Variants in RSRC1 observed in about 807,000 individuals in gnomAD.
RSRC1 encodes arginine and serine rich coiled-coil 1, also known as serine/Arginine-related protein 53.
RSRC1 carries 39 observed loss-of-function variants against 49.1 expected under a neutral mutation model. That is an observed-to-expected ratio of 0.79 (90% CI 0.61 to 1.04). RSRC1 has a LOEUF of 1.04. Ranked by LOEUF, RSRC1 falls within the 50% of genes least tolerant of loss-of-function variation. The pLI is 0.00. For synonymous variants in RSRC1, 143 were observed against 130.8 expected, an observed-to-expected ratio of 1.09 and a Z score of -0.63; for missense variants, 388 against 402.4, an observed-to-expected ratio of 0.96 and a Z score of 0.31.
Position 158,275,620 on chromosome 3 carries a change from A to G in RSRC1, c.495-22419A>G, listed in dbSNP as rs529051845. Among the ~76,000 whole-genome samples the G allele has an allele frequency of 2.0e-5, 3 of 152,342 alleles. No homozygotes were observed. In the East Asian group the frequency reaches 5.8e-4, roughly 29 times the overall value. The stretch of plus-strand genomic sequence containing the variant: ...CTAATAAGATAAAGCAAAGACAAAA[A>G]AGTTTATCCTATTAGAAACAAGACA... On this transcript the variant is annotated intron_variant, in intron 4 of 9. Coordinates refer to ENST00000611884, the MANE Select transcript of RSRC1 (RefSeq NM_001271838.2).
At chr3:158,476,203 T>G (rs540045309) in intron 7 of RSRC1, among the ~76,000 whole-genome samples, 1 of 152,250 alleles carries the variant, frequency 6.6e-6, no homozygotes, top group East Asian at 1.9e-4. Flanking sequence ...GAAGAAAAAT[T>G]TGAAGCTAGC....
intron 6 of RSRC1, among the ~76,000 whole-genome samples, chr3:158,454,116 C>T (rs898127978): frequency 6.6e-6 from 1 of 151,948 alleles, no homozygotes; most frequent in African/African-American, 2.4e-5. Flanking sequence ...AGAAACTGTG[C>T]CTTTCTAAAG....
At chr3:158,537,298 A>C (rs182750957) in intron 8 of RSRC1, 100 bp downstream of exon 8, 35 of 649,670 alleles carry the variant, frequency 5.4e-5, no homozygotes, top group Non-Finnish European at 7.5e-5. Context: ...CTAATAGATG[A>C]AGTGAAGCAA....
intron 4 of RSRC1, among the ~76,000 whole-genome samples, chr3:158,228,807 GTC>G: frequency 6.6e-6 from 1 of 150,416 alleles, no homozygotes; most frequent in Non-Finnish European, 1.5e-5. Flanking sequence ...GTGTATATAT[GTC>G]TATGATCATA....
At chr3:158,365,990 T>G (rs1159844420) in intron 6 of RSRC1, among the ~76,000 whole-genome samples, 1 of 152,152 alleles carries the variant, frequency 6.6e-6, no homozygotes, top group Non-Finnish European at 1.5e-5. Flanking sequence ...TACTTTTTAA[T>G]GGGGTTGTTT....
At chr3:158,204,042 G>C (rs1416574380) in intron 4 of RSRC1, among the ~76,000 whole-genome samples, 2 of 152,046 alleles carry the variant, frequency 1.3e-5, no homozygotes, top group African/African-American at 4.8e-5. Context: ...CAGTCTTTCA[G>C]TGTCTTGTGT....
intron 3 of RSRC1, among the ~76,000 whole-genome samples, chr3:158,194,750 G>C (rs1720470698): frequency 6.7e-6 from 1 of 148,264 alleles, no homozygotes; most frequent in Admixed American, 6.9e-5. Context: ...TGTGCTGTTT[G>C]GTTTTTTGTC....
rs147846318 is a variant in RSRC1, at chr3:158,142,852, C to G, written c.320+18861C>G. ...AAGAAAATGCCAGTTTTTTCAAGTG[C>G]CTCTCTCTCCCTCACTTGTGTCGTA... On this transcript the variant is annotated intron_variant, in intron 3 of 9. Transcript: ENST00000611884. 2.5e-3 allele frequency among the ~76,000 whole-genome samples: 383 copies of G among 152,160 alleles called. 3 individuals carry two copies. Among genetic ancestry groups the G allele is most frequent in the African/African-American group, 8.6e-3 (359 of 41,516 alleles).
At chr3:158,339,351 A>G (rs1730104424) in intron 5 of RSRC1, among the ~76,000 whole-genome samples, 1 of 151,666 alleles carries the variant, frequency 6.6e-6, no homozygotes, top group African/African-American at 2.4e-5. Flanking sequence ...CAGGCAGCTA[A>G]TGTTCTATTT....
At chr3:158,317,681 C>T (rs1728537202) in intron 5 of RSRC1, among the ~76,000 whole-genome samples, 1 of 152,114 alleles carries the variant, frequency 6.6e-6, no homozygotes, top group Admixed American at 6.5e-5. Context: ...ACCTCAGCCT[C>T]CCAAGTAGGT....
intron 6 of RSRC1, among the ~76,000 whole-genome samples, chr3:158,425,611 G>C (rs561472176): frequency 6.6e-6 from 1 of 151,860 alleles, no homozygotes. Context: ...GCTTGGTGCA[G>C]AGCTGAGTTC....
chr3:158,156,844 A>G (rs1277332488), intron 3 of RSRC1, among the ~76,000 whole-genome samples: 1 of 152,244 alleles, frequency 6.6e-6, no homozygotes, highest in African/African-American at 2.4e-5. Context: ...ACAGATCACT[A>G]TAACAGATAC....
In RSRC1 at chr3:158,516,419, G is replaced by T. The variant is rs1450562895; in HGVS notation, c.653-20673G>T. Among the ~76,000 whole-genome samples, 12 of 152,034 alleles carry T rather than the reference G, an allele frequency of 7.9e-5. No individual in the cohort carries two copies. The South Asian group carries it at 2.5e-3, about 32-fold the overall frequency. Reference sequence around the variant, plus strand: ...CCAGTTAGGCTGCTCGGGGGTCAGGGGTCAGGGACCCACTTGAGGAGGCAG... The same window carrying T: ...CCAGTTAGGCTGCTCGGGGGTCAGGTGTCAGGGACCCACTTGAGGAGGCAG... On this transcript the variant is annotated intron_variant, in intron 7 of 9. Transcript: ENST00000611884.
chr3:158,356,424 C>T (rs1731163870), intron 6 of RSRC1, among the ~76,000 whole-genome samples: 1 of 151,964 alleles, frequency 6.6e-6, no homozygotes, highest in Non-Finnish European at 1.5e-5. Flanking sequence ...TACTAGCTTC[C>T]TGAATTACTA....
At chr3:158,264,252 A>G (rs1032503332) in intron 4 of RSRC1, among the ~76,000 whole-genome samples, 2 of 152,058 alleles carry the variant, frequency 1.3e-5, no homozygotes, top group African/African-American at 4.8e-5. Flanking sequence ...ATAATGTCTA[A>G]TTTTCCTTTG....
At chr3:158,426,685 G>A (rs1427521438) in intron 6 of RSRC1, among the ~76,000 whole-genome samples, 1 of 151,696 alleles carries the variant, frequency 6.6e-6, no homozygotes, top group Non-Finnish European at 1.5e-5. Context: ...AATGAATATA[G>A]TGAGATAGAA....
At chr3:158,488,597 A>G (rs1234741036) in intron 7 of RSRC1, among the ~76,000 whole-genome samples, 2 of 152,182 alleles carry the variant, frequency 1.3e-5, no homozygotes, top group Admixed American at 6.6e-5. Flanking sequence ...AGATGTTGTT[A>G]GAAACTTTAG....
At chr3:158,356,627 T>C (rs983931574) in intron 6 of RSRC1, among the ~76,000 whole-genome samples, 1 of 152,088 alleles carries the variant, frequency 6.6e-6, no homozygotes, top group Non-Finnish European at 1.5e-5. Flanking sequence ...TAAAATATAC[T>C]GTAGGATAAA....
At chr3:158,254,477 G>C (rs1046057947) in intron 4 of RSRC1, among the ~76,000 whole-genome samples, 4 of 152,050 alleles carry the variant, frequency 2.6e-5, no homozygotes, top group African/African-American at 9.7e-5. Flanking sequence ...TGTCGCTCAG[G>C]CTGGAGTGCA....
Sources: gnomAD v4.1 joint callset for allele counts (sites outside exome capture counted in the v4.1 genomes callset) on GRCh38, gnomAD v4.1.1 for gene constraint, MANE v1.5 for transcripts, NCBI Gene and HGNC (gene_info 2026-07-23, HGNC 2026-07-21) for gene names.